TMEM132D: variants seen among roughly 807,000 people sequenced by gnomAD.
TMEM132D encodes the protein transmembrane protein 132D, also known as mature OL transmembrane protein.
In TMEM132D, 21 loss-of-function variants were observed where a neutral mutation model predicts 62.3. The ratio of observed to expected loss-of-function variants is 0.34; its 90% CI spans 0.24 to 0.49. The LOEUF is 0.49. Ranked by LOEUF, TMEM132D falls within the 20% of genes least tolerant of loss-of-function variation. TMEM132D has a pLI of 0.99. For missense variants in TMEM132D, 1,346 were observed against 1,402.8 expected (o/e 0.96, Z 0.65); for synonymous variants, 621 against 575.6 (o/e 1.08, Z -1.13).
chr12:129,696,837 C>T (rs566318015), intron 2 of TMEM132D, among the ~76,000 whole-genome samples: 3 of 152,232 alleles, frequency 2.0e-5, no homozygotes, highest in South Asian at 4.1e-4. Context: ...TGAATGAGAT[C>T]GTTAGATGTC....
At chr12:129,312,552 G>GT (rs1002848846) in intron 4 of TMEM132D, among the ~76,000 whole-genome samples, 34 of 152,106 alleles carry the variant, frequency 2.2e-4, no homozygotes, top group African/African-American at 5.1e-4. Context: ...TTTTAGAATA[G>GT]TTTTTTTTGT....
intron 1 of TMEM132D, among the ~76,000 whole-genome samples, chr12:129,744,067 G>T (rs1484580194): frequency 8.5e-5 from 13 of 152,200 alleles, no homozygotes; most frequent in Non-Finnish European, 1.8e-4. Context: ...ACTGGGTGTG[G>T]ATTCTGTCTG....
intron 2 of TMEM132D, among the ~76,000 whole-genome samples, chr12:129,574,924 G>A (rs1877616629): frequency 1.3e-5 from 2 of 151,780 alleles, no homozygotes; most frequent in South Asian, 2.1e-4. Context: ...GGGAAAAGGA[G>A]ATGCAGATGC....
intron 4 of TMEM132D, among the ~76,000 whole-genome samples, chr12:129,274,116 T>A (rs12826225): frequency 0.31 from 47,565 of 151,210 alleles, 7,703 homozygotes; most frequent in South Asian, 0.36. Context: ...TCTAAAAAGA[T>A]ATGGAGCTGA....
At chr12:129,453,631 C>T (rs1873372760) in intron 3 of TMEM132D, among the ~76,000 whole-genome samples, 2 of 152,190 alleles carry the variant, frequency 1.3e-5, no homozygotes, top group African/African-American at 4.8e-5. Context: ...CACCTGTGCA[C>T]GAACGCTGAC....
chr12:129,779,514 C>T lies in TMEM132D; in HGVS notation c.80-78816G>A, dbSNP rs2137289410. ...CCCAGGCTGGTCTCAAACTCATGGA[C>T]TCAAACCACCTGCCTGCCTCAGCCT... On this transcript the variant is annotated intron_variant, in intron 1 of 8. Transcript: ENST00000422113. The surrounding 1 kb of genome is among the most constrained non-coding windows in gnomAD (Gnocchi z 4.1). 1.3e-5 allele frequency among the ~76,000 whole-genome samples: 2 copies of T among 152,266 alleles called. No individual in the cohort carries two copies. Among genetic ancestry groups the T allele is most frequent in the Middle Eastern group, 6.8e-3 (2 of 294 alleles).
intron 3 of TMEM132D, among the ~76,000 whole-genome samples, chr12:129,476,608 T>C (rs1265355860): frequency 6.6e-6 from 1 of 152,116 alleles, no homozygotes; most frequent in Non-Finnish European, 1.5e-5. Context: ...TCAAATTCTC[T>C]ACATTAAGAA....
chr12:129,324,539 A>G (rs1339273449), intron 4 of TMEM132D, among the ~76,000 whole-genome samples: 1 of 145,960 alleles, frequency 6.9e-6, no homozygotes, highest in Non-Finnish European at 1.6e-5. Flanking sequence ...TTGCAGAAGA[A>G]AAAAGTGATG....
intron 4 of TMEM132D, among the ~76,000 whole-genome samples, chr12:129,298,323 T>C (rs1425737492): frequency 6.6e-6 from 1 of 152,230 alleles, no homozygotes; most frequent in Non-Finnish European, 1.5e-5. Flanking sequence ...GTTTTTTATT[T>C]TTTAAAATGC....
At chr12:129,266,240 AC>A (rs1880690840) in intron 4 of TMEM132D, among the ~76,000 whole-genome samples, 1 of 152,094 alleles carries the variant, frequency 6.6e-6, no homozygotes, top group Non-Finnish European at 1.5e-5. Flanking sequence ...TGGATGTCCT[AC>A]GGCCACACTG....
At chr12:129,103,327 C>T (rs1875376871) in intron 5 of TMEM132D, among the ~76,000 whole-genome samples, 1 of 152,166 alleles carries the variant, frequency 6.6e-6, no homozygotes, top group Admixed American at 6.5e-5. Flanking sequence ...CACAGTGTCT[C>T]CAGCACTTGC....
intron 2 of TMEM132D, among the ~76,000 whole-genome samples, chr12:129,536,308 G>A (rs1374207702): frequency 6.6e-6 from 1 of 152,194 alleles, no homozygotes; most frequent in Non-Finnish European, 1.5e-5. Context: ...CCAGTTAATT[G>A]ATGGAAACAT....
At chr12:129,667,530 A>T (rs1160602574) in intron 2 of TMEM132D, among the ~76,000 whole-genome samples, 2 of 152,138 alleles carry the variant, frequency 1.3e-5, no homozygotes, top group Non-Finnish European at 2.9e-5. Context: ...TGGCCAAATG[A>T]ATGACTTACG....
At chr12:129,401,841 C>A in intron 3 of TMEM132D, among the ~76,000 whole-genome samples, 1 of 152,138 alleles carries the variant, frequency 6.6e-6, no homozygotes, top group East Asian at 1.9e-4. Context: ...TAGCACAGGG[C>A]CCTGTACTCT....
intron 2 of TMEM132D, among the ~76,000 whole-genome samples, chr12:129,564,319 A>C (rs1780408078): frequency 1.3e-5 from 2 of 152,262 alleles, no homozygotes; most frequent in Non-Finnish European, 2.9e-5. Context: ...TGCAAAACAC[A>C]TGGCAGAAAG....
chr12:129,695,813 G>T (rs1881193106), intron 2 of TMEM132D, among the ~76,000 whole-genome samples: 1 of 152,238 alleles, frequency 6.6e-6, no homozygotes, highest in South Asian at 2.1e-4. Flanking sequence ...GAGGGCGGGA[G>T]AGAGTTGCTG....
Position 129,433,495 on chromosome 12 carries a change from C to T in TMEM132D, c.1116-95678G>A, listed in dbSNP as rs547092089. 3.9e-5 allele frequency among the ~76,000 whole-genome samples: 6 copies of T among 152,260 alleles called. No individual in the cohort carries two copies. In the East Asian group the frequency reaches 1.2e-3, roughly 29 times the overall value. The stretch of plus-strand genomic sequence containing the variant: ...CCTGGTTCAAGCATTTCTCGTTGAT[C>T]CTCCTTGTGTCAGGAGAGCTTGACA... On this transcript the variant is annotated intron_variant, in intron 3 of 8. Transcript: ENST00000422113.
chr12:129,352,875 C>A (rs1415647636), intron 3 of TMEM132D, among the ~76,000 whole-genome samples: 1 of 152,144 alleles, frequency 6.6e-6, no homozygotes, highest in Non-Finnish European at 1.5e-5. Context: ...GACCTAGAAC[C>A]AGAAATACCA....
At position 129,426,290 on chromosome 12, in the gene TMEM132D, C is replaced by T. The variant is rs188468768; in HGVS notation, c.1116-88473G>A. Reference sequence around the variant, plus strand: ...AGGGAAATTATGAGGAAGAAAACAGCAGGAGAAAGGAGGTTCCCTAATCAG... The same window carrying T: ...AGGGAAATTATGAGGAAGAAAACAGTAGGAGAAAGGAGGTTCCCTAATCAG... On this transcript the variant is annotated intron_variant, in intron 3 of 8. Coordinates refer to ENST00000422113, the MANE Select transcript of TMEM132D (RefSeq NM_133448.3). 1.3e-3 allele frequency among the ~76,000 whole-genome samples: 201 copies of T among 152,272 alleles called. 4 individuals are homozygous for T. In the South Asian group the frequency reaches 0.033, roughly 25 times the overall value.
Sources: allele counts gnomAD v4.1 joint callset (sites outside exome capture counted in the v4.1 genomes callset), GRCh38; gene constraint gnomAD v4.1.1; non-coding constraint Gnocchi (gnomAD v3.1); transcripts MANE v1.5; gene names NCBI Gene and HGNC (gene_info 2026-07-23, HGNC 2026-07-21).